The following KHDRBS2 variants were observed in gnomAD, a reference collection of about 807,000 sequenced individuals.
KHDRBS2 encodes KH domain-containing, RNA-binding, signal transduction-associated protein 2.
A neutral mutation model predicts 44.3 loss-of-function variants in KHDRBS2; 26 were observed. The observed-to-expected ratio is 0.59, with a 90% confidence interval of 0.43 to 0.81. KHDRBS2 has a LOEUF of 0.81. Ranked by LOEUF, KHDRBS2 falls within the 40% of genes least tolerant of loss-of-function variation. The probability of loss-of-function intolerance (pLI) is 0.00; values close to 1 mark genes in which losing one functional copy is unlikely to be tolerated. For synonymous variants in KHDRBS2, 194 were observed against 151.1 expected (o/e 1.28, Z -2.08); for missense variants, 476 against 433.1 (o/e 1.10, Z -0.88).
chr6:61,938,858 A>G (rs1811547833), intron 4 of KHDRBS2, among the ~76,000 whole-genome samples: 2 of 152,204 alleles, frequency 1.3e-5, no homozygotes, highest in Admixed American at 1.3e-4. Context: ...TCTGGCTGGC[A>G]GTGCAAATAT....
intron 3 of KHDRBS2, among the ~76,000 whole-genome samples, chr6:62,044,016 T>A (rs2127301849): frequency 6.6e-6 from 1 of 152,228 alleles, no homozygotes; most frequent in Non-Finnish European, 1.5e-5. Context: ...ATACTTTTTA[T>A]ATAGCATAAT....
At chr6:62,164,127 C>T (rs1818201271) in intron 2 of KHDRBS2, among the ~76,000 whole-genome samples, 1 of 151,746 alleles carries the variant, frequency 6.6e-6, no homozygotes, top group South Asian at 2.1e-4. Context: ...TTTTCTACTG[C>T]ACGTTTTAAG....
In KHDRBS2 at chr6:61,891,903, C is replaced by A. The variant is rs557255095; in HGVS notation, c.810+2732G>T. Among the ~76,000 whole-genome samples the A allele has an allele frequency of 9.5e-4, 145 of 152,100 alleles. 1 individual carries two copies. Among genetic ancestry groups the A allele is most frequent in the African/African-American group, 3.3e-3 (138 of 41,478 alleles). ...ATAGTGTTGGAAGTTCTGGCCAGGG[C>A]AGTCAGGAAGGAGAAGGAAATAAAG... On this transcript the variant is annotated intron_variant, in intron 6 of 8. Coordinates refer to ENST00000281156, the MANE Select transcript of KHDRBS2 (RefSeq NM_152688.4).
intron 2 of KHDRBS2, among the ~76,000 whole-genome samples, chr6:62,151,164 G>T (rs557340138): frequency 1.3e-5 from 2 of 152,100 alleles, no homozygotes; most frequent in African/African-American, 4.8e-5. Flanking sequence ...ATGAATTGCC[G>T]AGATATTTAA....
chr6:61,697,619 C>T (rs1026692486), intron 7 of KHDRBS2, among the ~76,000 whole-genome samples: 1 of 152,106 alleles, frequency 6.6e-6, no homozygotes, highest in African/African-American at 2.4e-5. Flanking sequence ...GCTTTTAATG[C>T]TGTTATCTTA....
the KHDRBS2 span, among the ~76,000 whole-genome samples, chr6:61,544,302 C>T: frequency 6.6e-6 from 1 of 151,940 alleles, no homozygotes; most frequent in Non-Finnish European, 1.5e-5. Context: ...TAACTAGTAG[C>T]TTCAAATTAA....
intron 3 of KHDRBS2, among the ~76,000 whole-genome samples, chr6:61,998,675 C>T (rs1414964430): frequency 6.6e-6 from 1 of 151,972 alleles, no homozygotes; most frequent in African/African-American, 2.4e-5. Flanking sequence ...TTTGTTTTCT[C>T]CTTTGTCCTT....
At chr6:62,049,187 A>G (rs553849187) in intron 2 of KHDRBS2, among the ~76,000 whole-genome samples, 1 of 152,104 alleles carries the variant, frequency 6.6e-6, no homozygotes, top group South Asian at 2.1e-4. Flanking sequence ...CAAAAAGACT[A>G]TACATAGGTG....
At chr6:61,653,066 A>G in the KHDRBS2 span, among the ~76,000 whole-genome samples, 1 of 152,122 alleles carries the variant, frequency 6.6e-6, no homozygotes, top group South Asian at 2.1e-4. Flanking sequence ...TTTTTAAAGG[A>G]AATGAGTTAG....
rs532450148 is a variant in KHDRBS2 at position 62,012,756 on chromosome 6, G to T, written c.337-34544C>A. On this transcript the variant is annotated intron_variant, in intron 3 of 8. Transcript: ENST00000281156. ...CCACTATCTCAGAGAGGTCTTTCTT[G>T]ACTACTCTAACTACATCAGCCAACC... is the stretch of plus-strand genomic sequence containing the variant. Among the ~76,000 whole-genome samples the T allele has an allele frequency of 5.9e-5, 9 of 152,166 alleles. 1 individual carries two copies. The South Asian group carries it at 1.9e-3, about 32-fold the overall frequency.
chr6:62,215,559 TAAA>T (rs534111261), intron 1 of KHDRBS2, among the ~76,000 whole-genome samples: 1 of 151,732 alleles, frequency 6.6e-6, no homozygotes, highest in East Asian at 1.9e-4. Flanking sequence ...CCAACCACAA[TAAA>T]AAAATACGCC....
At chr6:62,027,703 G>A (rs1018774023) in intron 3 of KHDRBS2, among the ~76,000 whole-genome samples, 7 of 152,164 alleles carry the variant, frequency 4.6e-5, no homozygotes, top group African/African-American at 1.2e-4. Flanking sequence ...AAATGCAGCC[G>A]CCATAATAAC....
Position 61,794,409 on chromosome 6 carries a change from T to C in KHDRBS2, c.811-61645A>G, listed in dbSNP as rs190976505. Among the ~76,000 whole-genome samples the C allele has an allele frequency of 2.2e-3, 342 of 152,336 alleles. 2 individuals carry two copies. The highest frequency in any genetic ancestry group is 8.0e-3 in the African/African-American group (333 of 41,588). ...TTTATTATTATCAAATAACTAGTTT[T>C]TGTTTTCTATGGCATGTTAGCCAGC... is the stretch of plus-strand genomic sequence containing the variant. On this transcript the variant is annotated intron_variant, in intron 6 of 8. Transcript: ENST00000281156.
At chr6:61,545,368 T>C in the KHDRBS2 span, among the ~76,000 whole-genome samples, 1 of 152,078 alleles carries the variant, frequency 6.6e-6, no homozygotes, top group African/African-American at 2.4e-5. Flanking sequence ...TTTAGTCTTC[T>C]TAATTTAAGC....
At chr6:62,010,660 G>T (rs1780133429) in intron 3 of KHDRBS2, among the ~76,000 whole-genome samples, 1 of 151,948 alleles carries the variant, frequency 6.6e-6, no homozygotes, top group East Asian at 1.9e-4. Flanking sequence ...ATAATAAATG[G>T]GTCTGATGGT....
At chr6:61,791,794 C>A (rs1481363913) in intron 6 of KHDRBS2, among the ~76,000 whole-genome samples, 1 of 151,316 alleles carries the variant, frequency 6.6e-6, no homozygotes, top group Non-Finnish European at 1.5e-5. Context: ...ATTAACATAA[C>A]TAGTTGTGTT....
intron 8 of KHDRBS2, among the ~76,000 whole-genome samples, chr6:61,683,680 C>T (rs1051034582): frequency 6.6e-6 from 1 of 151,858 alleles, no homozygotes; most frequent in Admixed American, 6.6e-5. Flanking sequence ...AAATATTTCA[C>T]TATTGAATTC....
intron 1 of KHDRBS2, among the ~76,000 whole-genome samples, chr6:62,253,868 G>A (rs1036699320): frequency 1.3e-5 from 2 of 151,802 alleles, no homozygotes; most frequent in African/African-American, 2.4e-5. Context: ...GCTATTTCTG[G>A]TATAACAGTG....
the KHDRBS2 span, among the ~76,000 whole-genome samples, chr6:61,649,550 C>T: frequency 6.6e-6 from 1 of 152,108 alleles, no homozygotes; most frequent in Non-Finnish European, 1.5e-5. Flanking sequence ...TTTATCATCT[C>T]CACTGGGGTG....
Sources: allele counts gnomAD v4.1 joint callset (sites outside exome capture counted in the v4.1 genomes callset), GRCh38; gene constraint gnomAD v4.1.1; transcripts MANE v1.5; gene names NCBI Gene and HGNC (gene_info 2026-07-23, HGNC 2026-07-21).